Variants in MED13L observed in about 807,000 individuals in gnomAD.
MED13L encodes the protein mediator of RNA polymerase II transcription subunit 13-like.
Under a neutral mutation model 220.9 loss-of-function variants are expected in MED13L, and 7 were observed. The observed-to-expected ratio is 0.03, with a 90% CI of 0.02 to 0.06. MED13L has a LOEUF of 0.06. Among genes scored for constraint, MED13L ranks in the 10% least tolerant of loss-of-function variants. The pLI is 1.00. For missense variants in MED13L, 1,965 were observed against 2,760.5 expected (o/e 0.71, Z 6.46); for synonymous variants, 1,011 against 1,015.2 (o/e 1.00, Z 0.08).
chr12:116,269,306 C>T (rs984229664), intron 1 of MED13L, among the ~76,000 whole-genome samples: 1 of 152,004 alleles, frequency 6.6e-6, no homozygotes, highest in African/African-American at 2.4e-5. Flanking sequence ...ATCAGCCAGC[C>T]TCGGCCTCCC....
At position 116,109,611 on chromosome 12, in the gene MED13L, G is replaced by A. The variant is rs1212182505; in HGVS notation, c.395+1817C>T. On this transcript the variant is annotated intron_variant, in intron 3 of 30. Transcript: ENST00000281928. ...TGTATAAAAAGAATTGTGCTTAAAC[G>A]TGTGTTAATTATTGCAGAGATACCA... Among the ~76,000 whole-genome samples, 6 of 152,260 alleles carry A rather than the reference G, an allele frequency of 3.9e-5. No individual in the cohort carries two copies. The East Asian group carries it at 5.8e-4, about 15-fold the overall frequency.
At chr12:116,247,604 C>G (rs1871202858) in intron 1 of MED13L, among the ~76,000 whole-genome samples, 1 of 151,096 alleles carries the variant, frequency 6.6e-6, no homozygotes, top group African/African-American at 2.4e-5. Flanking sequence ...CACTGGGCCT[C>G]CCATCTGACT....
intron 2 of MED13L, among the ~76,000 whole-genome samples, chr12:116,140,938 GCTATGT>G (rs1877016032): frequency 6.6e-6 from 1 of 152,180 alleles, no homozygotes; most frequent in South Asian, 2.1e-4. Context: ...CAAAGGGGCA[GCTATGT>G]CTGTTGTGCT....
intron 4 of MED13L, among the ~76,000 whole-genome samples, chr12:116,056,003 C>G (rs371686729): frequency 6.6e-6 from 1 of 152,076 alleles, no homozygotes; most frequent in East Asian, 1.9e-4. Context: ...TCCATAAGCT[C>G]CACGAGCAGA....
intron 17 of MED13L, among the ~76,000 whole-genome samples, chr12:115,989,435 T>C (rs1445044915): frequency 6.6e-6 from 1 of 151,974 alleles, no homozygotes; most frequent in East Asian, 1.9e-4. Flanking sequence ...GCCTCACCTA[T>C]ACCCGTCAGA....
chr12:116,240,999 G>A (rs1870584788), intron 1 of MED13L, among the ~76,000 whole-genome samples: 1 of 151,982 alleles, frequency 6.6e-6, no homozygotes, highest in Non-Finnish European at 1.5e-5. Context: ...TGAGGGAAGA[G>A]AAAGAAGGTA....
chr12:115,973,925 A>G (rs142862927), intron 25 of MED13L, among the ~76,000 whole-genome samples: 437 of 152,348 alleles, frequency 2.9e-3, no homozygotes, highest in South Asian at 7.2e-3. Flanking sequence ...ATTTGATACC[A>G]GATTTAACCT....
chr12:116,145,659 CTATTTATTTATTTATT>C (rs558385895), intron 2 of MED13L, among the ~76,000 whole-genome samples: 2,455 of 123,590 alleles, frequency 0.02, 20 homozygotes, highest in Middle Eastern at 0.047. Context: ...ACACTCAACT[CTATTTATTTATTTATT>C]TATTTATTTA....
At chr12:116,127,538 CA>C (rs1875700806) in intron 2 of MED13L, among the ~76,000 whole-genome samples, 1 of 152,068 alleles carries the variant, frequency 6.6e-6, no homozygotes, top group Non-Finnish European at 1.5e-5. Context: ...TAGATATATT[CA>C]AAGGCAATAT....
Position 115,959,400 on chromosome 12 carries a change from C to A in MED13L, c.*1866G>T, listed in dbSNP as rs1289074800. On this transcript the variant is annotated 3_prime_UTR_variant, in exon 31 of 31. Transcript: ENST00000281928. ...AAACAGCCCATTTAAAAAAAAAATT[C>A]AAAGTTCTGATGAATTCCGGGAAAA... 1 of 151,536 alleles carries A rather than the reference C, an allele frequency of 6.6e-6. No homozygotes were observed. Among genetic ancestry groups the A allele is most frequent in the Non-Finnish European group, 1.5e-5 (1 of 67,814 alleles). 9.4% of individuals were successfully genotyped at this position (151,536 alleles called of 1,614,324 possible). A position where few individuals can be genotyped will look rare whatever the true frequency, so the allele number is the denominator to read the frequency against.
At chr12:116,256,356 G>A (rs1284018556) in intron 1 of MED13L, among the ~76,000 whole-genome samples, 1 of 150,614 alleles carries the variant, frequency 6.6e-6, no homozygotes, top group Non-Finnish European at 1.5e-5. Flanking sequence ...CATACTATAT[G>A]ATTCCATTTA....
chr12:115,963,559 C>A (rs1485293721), intron 29 of MED13L, 40 bp from the exon 30 acceptor site: 1 of 1,458,170 alleles, frequency 6.9e-7, no homozygotes, highest in Non-Finnish European at 9.6e-7. Flanking sequence ...CTGGTCTAGA[C>A]AATCACAGTG....
intron 10 of MED13L, 191 bp downstream of exon 10, chr12:116,008,210 G>A: frequency 1.4e-6 from 1 of 721,504 alleles, no homozygotes; most frequent in Non-Finnish European, 2.2e-6. Context: ...ATGCCCATGT[G>A]TCAAATGACA....
chr12:116,205,315 A>C (rs1284333111), intron 2 of MED13L, among the ~76,000 whole-genome samples: 2 of 152,070 alleles, frequency 1.3e-5, no homozygotes, highest in African/African-American at 4.8e-5. Flanking sequence ...ATTTTTTTCA[A>C]GTCGTGTTTT....
chr12:116,232,782 G>A (rs1176650324), intron 2 of MED13L, among the ~76,000 whole-genome samples: 1 of 152,056 alleles, frequency 6.6e-6, no homozygotes, highest in Non-Finnish European at 1.5e-5. Context: ...CGAGAATATT[G>A]TGTTTATTTA....
intron 2 of MED13L, among the ~76,000 whole-genome samples, chr12:116,149,150 T>C (rs192543054): frequency 2.0e-5 from 3 of 152,342 alleles, no homozygotes; most frequent in South Asian, 4.1e-4. Context: ...TACTATGTCA[T>C]GTTTTCCATA....
intron 1 of MED13L, chr12:116,276,636 C>G: frequency 1.7e-6 from 2 of 1,195,656 alleles, no homozygotes; most frequent in Non-Finnish European, 2.1e-6. Context: ...GGCGGGCAGG[C>G]AGCTGATCCA....
rs953561388 is a variant in MED13L, at chr12:116,022,176, G to A, written c.625+280C>T. ...GAATTCTATTTTTCAAGTATTTATT[G>A]ATTTTCTTTTGTTCTGAAGGAAATT... On this transcript the variant is annotated intron_variant, in intron 5 of 30. Transcript: ENST00000281928. Among the ~76,000 whole-genome samples, 14 of 152,158 alleles carry A rather than the reference G, an allele frequency of 9.2e-5. No homozygotes were observed. In the South Asian group the frequency reaches 1.0e-3, roughly 11 times the overall value.
At chr12:116,270,770 C>T (rs1054362048) in intron 1 of MED13L, among the ~76,000 whole-genome samples, 3 of 151,724 alleles carry the variant, frequency 2.0e-5, no homozygotes, top group Admixed American at 6.6e-5. Flanking sequence ...CAGCCGGGCG[C>T]GGTGGCTCGA....
Sources: gnomAD v4.1 joint callset for allele counts (sites outside exome capture counted in the v4.1 genomes callset) on GRCh38, gnomAD v4.1.1 for gene constraint, MANE v1.5 for transcripts, NCBI Gene and HGNC (gene_info 2026-07-23, HGNC 2026-07-21) for gene names.